Variants in ALMS1 observed in about 807,000 individuals in gnomAD.
ALMS1 encodes ALMS1 centrosome and basal body associated protein.
ALMS1 carries 271 observed loss-of-function variants against 352.2 expected under a neutral mutation model. That is an observed-to-expected ratio of 0.77 (90% CI 0.70 to 0.85). The LOEUF (loss-of-function observed/expected upper bound fraction) is 0.85, where lower values mean the gene tolerates loss of function less well. ALMS1 is among the 40% of genes least tolerant of loss of function. The pLI, the probability that ALMS1 is intolerant of heterozygous loss-of-function variation, is 0.00. For synonymous variants in ALMS1, 1,865 were observed against 1,761.2 expected (o/e 1.06, Z -1.48); for missense variants, 5,445 against 4,870.7 (o/e 1.12, Z -3.51).
At chr2:73,472,055 C>T (rs1213682004) in intron 9 of ALMS1, among the ~76,000 whole-genome samples, 2 of 152,008 alleles carry the variant, frequency 1.3e-5, no homozygotes, top group Admixed American at 6.6e-5. Flanking sequence ...ATGGATGACC[C>T]TGCAAGACAT....
intron 16 of ALMS1, among the ~76,000 whole-genome samples, chr2:73,582,094 T>C (rs536555513): frequency 9.2e-5 from 14 of 152,208 alleles, no homozygotes; most frequent in Non-Finnish European, 1.9e-4. Context: ...CCAGTACAGT[T>C]TTTTTTAAAT....
intron 9 of ALMS1, among the ~76,000 whole-genome samples, chr2:73,468,822 C>T (rs566512187): frequency 1.1e-4 from 16 of 152,030 alleles, no homozygotes; most frequent in African/African-American, 3.9e-4. Flanking sequence ...GAGGAACCTG[C>T]TTCTGTCCTT....
intron 2 of ALMS1, among the ~76,000 whole-genome samples, chr2:73,418,712 G>A (rs1460869700): frequency 6.6e-6 from 1 of 152,158 alleles, no homozygotes; most frequent in African/African-American, 2.4e-5. Flanking sequence ...TCATGATACA[G>A]TGAATATTCA....
rs1672957140 is a variant in ALMS1 at position 73,490,520 on chromosome 2, T to C, written c.8561T>C (p.Leu2854Pro). ...AGCATGGGCAGACCAAGTTCCACCC[T>C]AGGAGTAAACAGATCGAGTTCCAGA... Reference protein sequence around the residue: ...LISMGRPSSTLGVNRSSSRLG... With the variant: ...LISMGRPSSTPGVNRSSSRLG... The change falls in exon 10 of 23, where the codon CTA becomes CCA. Residue 2854 changes from leucine to proline, a missense_variant. Transcript: ENST00000613296. The C allele has an allele frequency of 1.2e-6, 2 of 1,614,162 alleles. No homozygotes were observed. Among genetic ancestry groups the C allele is most frequent in the Non-Finnish European group, 1.7e-6 (2 of 1,180,026 alleles).
intron 7 of ALMS1, among the ~76,000 whole-genome samples, chr2:73,435,052 A>G (rs780692848): frequency 6.6e-6 from 1 of 152,226 alleles, no homozygotes; most frequent in African/African-American, 2.4e-5. Flanking sequence ...TTAGGTTAGA[A>G]TAGACACTTC....
chr2:73,602,052 G>T lies in ALMS1; in HGVS notation c.12115-133G>T, dbSNP rs776903871. On this transcript the variant is annotated intron_variant, in intron 19 of 22. Transcript: ENST00000613296. ...GAGAGATGTCAGAGGATTCTTCAAC[G>T]CTAGATACTTTCTCGGCATTTGAAT... The T allele has an allele frequency of 1.2e-5, 11 of 936,916 alleles. No individual in the cohort carries two copies. The African/African-American group carries it at 1.8e-4, about 16-fold the overall frequency. 58.0% of individuals were successfully genotyped at this position (936,916 alleles called of 1,614,324 possible).
At chr2:73,546,903 A>G (rs1282884395) in intron 12 of ALMS1, among the ~76,000 whole-genome samples, 1 of 152,192 alleles carries the variant, frequency 6.6e-6, no homozygotes, top group Non-Finnish European at 1.5e-5. Flanking sequence ...GAAAGGGTGC[A>G]CTGGGCATGG....
intron 1 of ALMS1, among the ~76,000 whole-genome samples, chr2:73,401,810 A>C (rs72809998): frequency 0.12 from 18,269 of 152,114 alleles, 1,393 homozygotes; most frequent in Middle Eastern, 0.19. Flanking sequence ...CATACCTGCA[A>C]CTTTGAATCC....
chr2:73,581,094 C>G (rs1675167495), intron 16 of ALMS1, among the ~76,000 whole-genome samples: 1 of 152,192 alleles, frequency 6.6e-6, no homozygotes, highest in South Asian at 2.1e-4. Flanking sequence ...CATGCACTTT[C>G]TAGTTTCCCT....
intron 10 of ALMS1, among the ~76,000 whole-genome samples, chr2:73,517,719 G>A (rs111541022): frequency 0.016 from 2,398 of 150,966 alleles, 23 homozygotes; most frequent in Non-Finnish European, 0.025. Flanking sequence ...GTGCAATGGC[G>A]CAATCTCGGT....
chr2:73,532,375 G>A (rs1673932365), intron 11 of ALMS1, among the ~76,000 whole-genome samples: 1 of 151,754 alleles, frequency 6.6e-6, no homozygotes, highest in Non-Finnish European at 1.5e-5. Context: ...TTGCTGTCTG[G>A]GAGCCATGAC....
chr2:73,463,938 A>T (rs1490973538), intron 9 of ALMS1, among the ~76,000 whole-genome samples: 1 of 152,232 alleles, frequency 6.6e-6, no homozygotes, highest in Non-Finnish European at 1.5e-5. Flanking sequence ...AGGATCTGAA[A>T]TTGAGGCAAT....
At chr2:73,566,757 A>G (rs1162783241) in intron 15 of ALMS1, among the ~76,000 whole-genome samples, 1 of 152,170 alleles carries the variant, frequency 6.6e-6, no homozygotes, top group Non-Finnish European at 1.5e-5. Context: ...TACCAATTGC[A>G]TGGCTTGGCC....
chr2:73,529,362 T>C (rs1376904738), intron 11 of ALMS1, among the ~76,000 whole-genome samples: 1 of 152,216 alleles, frequency 6.6e-6, no homozygotes, highest in Non-Finnish European at 1.5e-5. Flanking sequence ...TATTTTTGAA[T>C]TCTTTGTCTG....
intron 11 of ALMS1, among the ~76,000 whole-genome samples, chr2:73,529,021 TTGAGTTTCCTCAAAGCAG>T (rs1308823225): frequency 7.9e-5 from 12 of 151,772 alleles, no homozygotes; most frequent in Non-Finnish European, 1.6e-4. Context: ...TTGAATTTCT[TTGAGTTTCCTCAAAGCAG>T]TTTTTTTTTT....
chr2:73,578,803 A>G (rs138648868), intron 16 of ALMS1, among the ~76,000 whole-genome samples: 2 of 152,304 alleles, frequency 1.3e-5, no homozygotes, highest in East Asian at 1.9e-4. Context: ...TTTAAATCAG[A>G]TAAGGGAAAA....
intron 10 of ALMS1, among the ~76,000 whole-genome samples, chr2:73,516,053 C>CA (rs1469270955): frequency 1.3e-5 from 2 of 151,964 alleles, no homozygotes; most frequent in African/African-American, 4.8e-5. Flanking sequence ...GTGCATCCAA[C>CA]AAAGGTCTAA....
In ALMS1 at chr2:73,449,250, A is replaced by G; in HGVS notation, c.2723A>G (p.Tyr908Cys). 2 of 1,614,032 alleles carry G rather than the reference A, an allele frequency of 1.2e-6. No individual in the cohort carries two copies. The highest frequency in any genetic ancestry group is 2.2e-5 in the East Asian group (1 of 44,866). Residue 908 changes from tyrosine (Y) to cysteine (C), a missense_variant, in exon 8 of 23, where the codon TAC (tyrosine) becomes TGC (cysteine). Physicochemically the swap from Tyr to Cys is radical, Grantham distance 194. Coordinates refer to ENST00000613296, the MANE Select transcript of ALMS1 (RefSeq NM_001378454.1). ...TGIPSAPSSF[Y>C]SHREKPIIFS... The stretch of plus-strand genomic sequence containing the variant: ...ATACCCTCAGCACCATCTAGTTTCT[A>G]CTCACACAGAGAGAAGCCCATTATT...
At chr2:73,573,448 G>A (rs1674989218) in intron 16 of ALMS1, 24 bp downstream of exon 16, 1 of 1,612,378 alleles carries the variant, frequency 6.2e-7, no homozygotes, top group African/African-American at 1.3e-5. Flanking sequence ...GATTCCATCT[G>A]GCAATGTGAC....
Sources: allele counts gnomAD v4.1 joint callset (sites outside exome capture counted in the v4.1 genomes callset), GRCh38; gene constraint gnomAD v4.1.1; transcripts MANE v1.5; gene names NCBI Gene and HGNC (gene_info 2026-07-23, HGNC 2026-07-21).